The following SPTA1 variants were observed in gnomAD, a reference collection of about 807,000 sequenced individuals.
SPTA1 encodes spectrin alpha, erythrocytic 1.
A neutral mutation model predicts 324.7 loss-of-function variants in SPTA1; 177 were observed. That is an observed-to-expected ratio of 0.55 (90% CI 0.48 to 0.62). SPTA1 has a LOEUF of 0.62. Among genes scored for constraint, SPTA1 ranks in the 20% least tolerant of loss-of-function variants. The probability of loss-of-function intolerance (pLI) is 0.00; values close to 1 mark genes in which losing one functional copy is unlikely to be tolerated. For synonymous variants in SPTA1, 1,195 were observed against 1,041.3 expected, an observed-to-expected ratio of 1.15 and a Z score of -2.84; for missense variants, 3,162 against 2,883.6, an observed-to-expected ratio of 1.10 and a Z score of -2.21.
At chr1:158,643,194 A>C in intron 31 of SPTA1, 128 bp downstream of exon 31, 1 of 1,232,874 alleles carries the variant, frequency 8.1e-7, no homozygotes, top group Non-Finnish European at 1.2e-6. Flanking sequence ...AAGTCTGCAT[A>C]GGTGTCAAGA....
At position 158,627,703 on chromosome 1, in the gene SPTA1, T is replaced by C. The variant is rs1192593875; in HGVS notation, c.5586A>G (p.Glu1862=). 6.2e-7 allele frequency: 1 copy of C among 1,612,778 alleles called. No individual in the cohort carries two copies. Among genetic ancestry groups the C allele is most frequent in the Admixed American group, 1.7e-5 (1 of 59,984 alleles). Reference sequence around the variant, plus strand: ...GGACAGCAAAGTCATTTTCCAAAGCTTCATGCTTCATTAGCAAGCTCTGCA... The same window carrying C: ...GGACAGCAAAGTCATTTTCCAAAGCCTCATGCTTCATTAGCAAGCTCTGCA... ...AATQSLLMKH[E]ALENDFAVHE... The change falls in exon 40 of 52, where the codon GAA becomes GAG. Residue 1862 remains glutamate (E), a synonymous_variant. Transcript: ENST00000643759.
chr1:158,640,519 C>A (rs1651474553), intron 33 of SPTA1, among the ~76,000 whole-genome samples: 1 of 152,194 alleles, frequency 6.6e-6, no homozygotes, highest in African/African-American at 2.4e-5. Flanking sequence ...TTCTTATACA[C>A]CAATAACAGA....
chr1:158,640,930 A>C (rs1651510709), intron 33 of SPTA1, among the ~76,000 whole-genome samples: 3 of 152,348 alleles, frequency 2.0e-5, no homozygotes, highest in South Asian at 2.1e-4. Context: ...TACAGTAACC[A>C]AAACAGCATG....
At chr1:158,628,083 A>T (rs988271867) in intron 39 of SPTA1, among the ~76,000 whole-genome samples, 1 of 152,180 alleles carries the variant, frequency 6.6e-6, no homozygotes, top group Non-Finnish European at 1.5e-5. Context: ...AGCAGAAAAA[A>T]ATTTAGTATC....
intron 46 of SPTA1, 62 bp downstream of exon 46, chr1:158,617,974 TTTC>T: frequency 6.7e-7 from 1 of 1,484,434 alleles, no homozygotes; most frequent in South Asian, 1.1e-5. Flanking sequence ...GCACTAACTC[TTTC>T]TTAACGAATT....
chr1:158,666,359 A>G lies in SPTA1; in HGVS notation c.2177T>C (p.Leu726Pro). ...CGACTCCAGGAGGCCGTGTTTCCTG[A>G]GTCGATTCTGTACCTCGGCCAGGCC... ...GKGLAEVQNR[L>P]RKHGLLESAV... is the part of the protein sequence containing the mutation. Residue 726 changes from leucine (L) to proline (P), a missense_variant, in exon 16 of 52, where the codon CTC becomes CCC. By Grantham distance (98) the Leu-to-Pro change is moderately conservative. Coordinates refer to ENST00000643759, the MANE Select transcript of SPTA1 (RefSeq NM_003126.4). The G allele has an allele frequency of 1.2e-6, 2 of 1,613,922 alleles. No homozygotes were observed. The highest frequency in any genetic ancestry group is 1.7e-6 in the Non-Finnish European group (2 of 1,179,974).
chr1:158,620,181 C>T lies in SPTA1; in HGVS notation c.6406G>A (p.Asp2136Asn). 6.2e-7 allele frequency: 1 copy of T among 1,614,110 alleles called. No individual in the cohort carries two copies. Among genetic ancestry groups the T allele is most frequent in the African/African-American group, 1.3e-5 (1 of 75,046 alleles). The change falls in exon 44 of 52, where the codon GAC becomes AAC. Residue 2136 changes from aspartate (D) to asparagine (N), a missense_variant. By Grantham distance (23) the Asp-to-Asn change is conservative (BLOSUM62 1). Coordinates refer to ENST00000643759, the MANE Select transcript of SPTA1 (RefSeq NM_003126.4). Reference protein sequence around the residue: ...VLERTWKHLSDIIEEREQELQ... With the variant: ...VLERTWKHLSNIIEEREQELQ... Reference sequence around the variant, plus strand: ...GTGTTCCAGGTTACCTCAATGATGTCAGATAGGTGCTTCCAGGTCCTTTCC... The same window carrying T: ...GTGTTCCAGGTTACCTCAATGATGTTAGATAGGTGCTTCCAGGTCCTTTCC...
chr1:158,654,392 A>G (rs1039633313), intron 21 of SPTA1, among the ~76,000 whole-genome samples: 1 of 152,216 alleles, frequency 6.6e-6, no homozygotes, highest in Non-Finnish European at 1.5e-5. Flanking sequence ...TCAATTCTTT[A>G]TGATTTTAAC....
At chr1:158,659,911 A>G (rs1400406273) in intron 18 of SPTA1, among the ~76,000 whole-genome samples, 1 of 151,908 alleles carries the variant, frequency 6.6e-6, no homozygotes, top group Non-Finnish European at 1.5e-5. Context: ...CGCCCGGCCT[A>G]GTCTTAGCAT....
At chr1:158,630,928 T>C (rs1650631862) in intron 39 of SPTA1, among the ~76,000 whole-genome samples, 1 of 152,118 alleles carries the variant, frequency 6.6e-6, no homozygotes, top group African/African-American at 2.4e-5. Context: ...CACAATGAGG[T>C]ATCACCTTAC....
intron 2 of SPTA1, 138 bp from the exon 3 acceptor site, chr1:158,683,634 A>G (rs948520688): frequency 1.8e-6 from 2 of 1,132,570 alleles, no homozygotes; most frequent in Admixed American, 2.0e-5. Context: ...TCCTGTCCCC[A>G]CTGGCTTTAG....
Position 158,652,663 on chromosome 1 carries a change from G to T in SPTA1, c.3189-10C>A. Reference sequence around the variant, plus strand: ...CAAGAGGGAGCGGTATCTGGATGGAGAATTGGGAAAAGTGGAATAAAAGAA... The same window carrying T: ...CAAGAGGGAGCGGTATCTGGATGGATAATTGGGAAAAGTGGAATAAAAGAA... On this transcript the variant is annotated splice_polypyrimidine_tract_variant and intron_variant, in intron 22 of 51. Coordinates refer to ENST00000643759, the MANE Select transcript of SPTA1 (RefSeq NM_003126.4). 1 of 1,614,010 alleles carries T rather than the reference G, an allele frequency of 6.2e-7. No individual in the cohort carries two copies.
Position 158,643,016 on chromosome 1 carries a change from C to T in SPTA1, c.4443-40G>A, listed in dbSNP as rs373656397. ...CAAATCACTCTATGCCCTCCTCCAC[C>T]CTTCCCATGCTCTGATGCCATATCC... On this transcript the variant is annotated intron_variant, in intron 31 of 51. Transcript: ENST00000643759. The T allele has an allele frequency of 8.1e-6, 13 of 1,611,798 alleles. No homozygotes were observed. The South Asian group carries it at 8.8e-5, about 11-fold the overall frequency.
In SPTA1 at chr1:158,678,434, A is replaced by C. The variant is rs121918634; in HGVS notation, c.779T>G (p.Leu260Arg). ...TCGTTGTAAGTTTGCAGCATTGGAC[A>C]GAGCTTTCTGTCTCTGGAGAGCCAA... ...RGLALQRQKA[L>R]SNAANLQRFK... is the part of the protein sequence containing the mutation. The change falls in exon 6 of 52, where the codon CTG (leucine) becomes CGG (arginine). Residue 260 changes from leucine to arginine, a missense_variant. Coordinates refer to ENST00000643759, the MANE Select transcript of SPTA1 (RefSeq NM_003126.4). The C allele has an allele frequency of 3.1e-6, 5 of 1,613,818 alleles. No homozygotes were observed. Among genetic ancestry groups the C allele is most frequent in the Non-Finnish European group, 4.2e-6 (5 of 1,179,772 alleles).
chr1:158,683,330 A>G (rs1009643602), intron 3 of SPTA1, 41 bp downstream of exon 3: 1 of 1,612,140 alleles, frequency 6.2e-7, no homozygotes, highest in Non-Finnish European at 8.5e-7. Context: ...CTGATAACAT[A>G]ATCAATAATT....
rs1330628852 is a variant in SPTA1 at position 158,654,166 on chromosome 1, T to A, written c.3036+445A>T. Among the ~76,000 whole-genome samples the A allele has an allele frequency of 2.6e-5, 4 of 152,228 alleles. No individual in the cohort carries two copies. In the East Asian group the frequency reaches 7.7e-4, roughly 29 times the overall value. ...ATCTCAACCAATATTTTATCACTGT[T>A]CTTCCAGGCACAAGATCTAAAGAAA... On this transcript the variant is annotated intron_variant, in intron 21 of 51. Coordinates refer to ENST00000643759, the MANE Select transcript of SPTA1 (RefSeq NM_003126.4).
intron 2 of SPTA1, among the ~76,000 whole-genome samples, chr1:158,683,988 A>G (rs961571790): frequency 1.3e-5 from 2 of 151,976 alleles, no homozygotes; most frequent in African/African-American, 2.4e-5. Flanking sequence ...TGACAACACC[A>G]CATGCTATAA....
Position 158,611,196 on chromosome 1 carries a change from G to A in SPTA1, c.*68C>T, listed in dbSNP as rs186892978. 3.8e-6 allele frequency: 6 copies of A among 1,575,854 alleles called. No homozygotes were observed. The highest frequency in any genetic ancestry group is 3.5e-6 in the Non-Finnish European group (4 of 1,151,846). ...CCATCTTTATCTTCCACATTTGCCT[G>A]TACTCTTTGCCCCCCAGTAAATTTC... On this transcript the variant is annotated 3_prime_UTR_variant, in exon 52 of 52. Coordinates refer to ENST00000643759, the MANE Select transcript of SPTA1 (RefSeq NM_003126.4).
rs1363488746 is a variant in SPTA1 at position 158,654,852 on chromosome 1, C to T, written c.2899-104G>A. 3.0e-5 allele frequency: 46 copies of T among 1,527,018 alleles called. No homozygotes were observed. The Admixed American group carries it at 4.0e-4, about 13-fold the overall frequency. 94.6% of individuals were successfully genotyped at this position (1,527,018 alleles called of 1,614,324 possible). On this transcript the variant is annotated intron_variant, in intron 20 of 51. Transcript: ENST00000643759. ...TTTAGGCTTCCCAGGAGAAAAGAGC[C>T]TCTGGCTGGAACCTCTTACGTGGCT...
Sources: gnomAD v4.1 joint callset for allele counts (sites outside exome capture counted in the v4.1 genomes callset) on GRCh38, gnomAD v4.1.1 for gene constraint, MANE v1.5 for transcripts, NCBI Gene and HGNC (gene_info 2026-07-23, HGNC 2026-07-21) for gene names.